RIC1: variants seen among roughly 807,000 people sequenced by gnomAD.
The protein encoded by RIC1 is guanine nucleotide exchange factor subunit RIC1.
RIC1 carries 88 observed loss-of-function variants against 169.0 expected under a neutral mutation model. That is an observed-to-expected ratio of 0.52 (90% CI 0.44 to 0.62). RIC1 has a LOEUF of 0.62. Ranked by LOEUF, RIC1 falls within the 20% of genes least tolerant of loss-of-function variation. The pLI is 0.00. For synonymous variants in RIC1, 790 were observed against 601.5 expected (o/e 1.31, Z -4.59); for missense variants, 1,877 against 1,725.5 (o/e 1.09, Z -1.56).
In RIC1 at chr9:5,723,136, T is replaced by A. The variant is rs150915620; in HGVS notation, c.720+2386T>A. ...AGATCCTTGAAGAATCGCCACACTG[T>A]CTTCCACAATGGTTGAACTAGTTTA... On this transcript the variant is annotated intron_variant, in intron 6 of 25. Transcript: ENST00000414202. 8.9e-3 allele frequency among the ~76,000 whole-genome samples: 1,358 copies of A among 152,348 alleles called. 23 individuals are homozygous for A. Among genetic ancestry groups the A allele is most frequent in the African/African-American group, 0.03 (1,264 of 41,572 alleles).
chr9:5,691,034 TATA>T (rs1821564522), intron 3 of RIC1, among the ~76,000 whole-genome samples: 1 of 151,954 alleles, frequency 6.6e-6, no homozygotes, highest in Non-Finnish European at 1.5e-5. Context: ...CTCGCAGAGG[TATA>T]ATAAAAGTTG....
At chr9:5,740,002 T>C (rs1019178641) in intron 8 of RIC1, among the ~76,000 whole-genome samples, 5 of 152,202 alleles carry the variant, frequency 3.3e-5, no homozygotes, top group Admixed American at 2.6e-4. Flanking sequence ...CTATAGGAGA[T>C]AAGACCCTCA....
intron 2 of RIC1, among the ~76,000 whole-genome samples, chr9:5,688,132 G>A (rs1821363262): frequency 6.6e-6 from 1 of 152,174 alleles, no homozygotes; most frequent in African/African-American, 2.4e-5. Flanking sequence ...ATAGCAAAAG[G>A]TTTTAATGTC....
At chr9:5,770,299 T>G (rs1165037452) in intron 23 of RIC1, 21 bp downstream of exon 23, 2 of 1,596,096 alleles carry the variant, frequency 1.3e-6, no homozygotes, top group Non-Finnish European at 1.7e-6. Context: ...TTTTAAATCC[T>G]AGCTCTTCAG....
At chr9:5,728,250 C>G (rs1049665683) in intron 6 of RIC1, among the ~76,000 whole-genome samples, 2 of 152,250 alleles carry the variant, frequency 1.3e-5, no homozygotes, top group Admixed American at 6.5e-5. Context: ...ATGGTAGACA[C>G]CCCTCCCCCA....
intron 1 of RIC1, among the ~76,000 whole-genome samples, chr9:5,631,531 C>G (rs191827375): frequency 6.6e-6 from 1 of 151,576 alleles, no homozygotes; most frequent in Non-Finnish European, 1.5e-5. Context: ...ACTAAAAATA[C>G]AAAAAAATAG....
chr9:5,732,620 A>G (rs1408821146), intron 7 of RIC1, 141 bp downstream of exon 7: 1 of 492,676 alleles, frequency 2.0e-6, no homozygotes, highest in Non-Finnish European at 3.6e-6. Flanking sequence ...TTAATATGAA[A>G]TGTAAAAGTA....
In RIC1 at chr9:5,763,063, G is replaced by A. The variant is rs1428151407; in HGVS notation, c.2113-77G>A. ...ATTATACTATCATTTGAAAGACTTA[G>A]TAAACTAGTACCTAGGAACTTAAGA... On this transcript the variant is annotated intron_variant, in intron 18 of 25. Coordinates refer to ENST00000414202, the MANE Select transcript of RIC1 (RefSeq NM_020829.4). This position sits in a 1 kb window ranked among gnomAD's most constrained non-coding sequence, Gnocchi z 5.2. 4.7e-6 allele frequency: 7 copies of A among 1,497,246 alleles called. No homozygotes were observed. Among genetic ancestry groups the A allele is most frequent in the Non-Finnish European group, 6.3e-6 (7 of 1,114,642 alleles). 92.7% of individuals were successfully genotyped at this position (1,497,246 alleles called of 1,614,324 possible).
chr9:5,713,816 T>C, intron 3 of RIC1, 80 bp from the exon 4 acceptor site: 1 of 811,652 alleles, frequency 1.2e-6, no homozygotes, highest in Middle Eastern at 2.4e-4. Flanking sequence ...TTTCATTTAC[T>C]TTATTTGATT....
At chr9:5,629,541 C>A (rs1586846710) in intron 1 of RIC1, 88 bp downstream of exon 1, 3 of 1,359,332 alleles carry the variant, frequency 2.2e-6, no homozygotes, top group Non-Finnish European at 2.9e-6. Flanking sequence ...GAGCCTAGGA[C>A]TCCTGCCCCT....
chr9:5,751,354 T>C (rs1014741432), intron 12 of RIC1, among the ~76,000 whole-genome samples: 4 of 151,784 alleles, frequency 2.6e-5, no homozygotes, highest in Non-Finnish European at 4.4e-5. Context: ...AGTGATCTTT[T>C]TGGGGGTCTG....
At chr9:5,634,386 G>T (rs999002371) in intron 1 of RIC1, among the ~76,000 whole-genome samples, 1 of 152,132 alleles carries the variant, frequency 6.6e-6, no homozygotes, top group Non-Finnish European at 1.5e-5. Context: ...CGTCTTTGCC[G>T]ACCTTGTTAT....
Position 5,670,168 on chromosome 9 carries a change from C to A in RIC1, c.252+13478C>A, listed in dbSNP as rs118106216. 2.4e-4 allele frequency among the ~76,000 whole-genome samples: 37 copies of A among 152,360 alleles called. No individual in the cohort carries two copies. The East Asian group carries it at 6.2e-3, about 25-fold the overall frequency. ...AGCCCTTGAGCCCCTTCTGCAGCTT[C>A]TAAGTTCAGCAGATGTCTTGTGGGA... On this transcript the variant is annotated intron_variant, in intron 2 of 25. Transcript: ENST00000414202.
At chr9:5,675,473 T>C (rs1820385052) in intron 2 of RIC1, among the ~76,000 whole-genome samples, 1 of 152,200 alleles carries the variant, frequency 6.6e-6, no homozygotes, top group South Asian at 2.1e-4. Context: ...ATAAGTGAAA[T>C]AAAAATTAGA....
intron 6 of RIC1, among the ~76,000 whole-genome samples, chr9:5,724,809 G>C (rs1442536128): frequency 2.0e-5 from 3 of 152,266 alleles, no homozygotes; most frequent in African/African-American, 7.2e-5. Context: ...CATCTATTGA[G>C]ATAATCATGT....
At chr9:5,778,015 A>G (rs1009821201), downstream of RIC1, among the ~76,000 whole-genome samples, 1 of 152,204 alleles carries the variant, frequency 6.6e-6, no homozygotes, top group African/African-American at 2.4e-5. Flanking sequence ...TGGGATTTTC[A>G]TAAGCGTTGT....
At chr9:5,675,554 G>A (rs1336161416) in intron 2 of RIC1, among the ~76,000 whole-genome samples, 2 of 152,108 alleles carry the variant, frequency 1.3e-5, no homozygotes, top group Admixed American at 6.5e-5. Flanking sequence ...CTTACGACAA[G>A]TATAATTTCT....
chr9:5,653,718 C>T (rs1818932360), intron 1 of RIC1, among the ~76,000 whole-genome samples: 1 of 152,100 alleles, frequency 6.6e-6, no homozygotes, highest in African/African-American at 2.4e-5. Context: ...CTGCCTCAGC[C>T]TCCCGAGTAG....
At chr9:5,714,797 G>A (rs746626238) in intron 4 of RIC1, among the ~76,000 whole-genome samples, 1 of 152,124 alleles carries the variant, frequency 6.6e-6, no homozygotes, top group African/African-American at 2.4e-5. Flanking sequence ...TAAGAAACTG[G>A]GGATGAGAAC....
Sources: allele counts gnomAD v4.1 joint callset (sites outside exome capture counted in the v4.1 genomes callset), GRCh38; gene constraint gnomAD v4.1.1; non-coding constraint Gnocchi (gnomAD v3.1); transcripts MANE v1.5; gene names NCBI Gene and HGNC (gene_info 2026-07-23, HGNC 2026-07-21).